Variants in IQGAP2 observed in about 807,000 individuals in gnomAD.
IQGAP2 encodes the protein ras GTPase-activating-like protein IQGAP2.
Under a neutral mutation model 201.3 loss-of-function variants are expected in IQGAP2, and 173 were observed. The observed-to-expected ratio is 0.86, with a 90% CI of 0.76 to 0.98. IQGAP2 has a LOEUF of 0.98. Ranked by LOEUF, IQGAP2 falls within the 50% of genes least tolerant of loss-of-function variation. The pLI, the probability that IQGAP2 is intolerant of heterozygous loss-of-function variation, is 0.00. For missense variants in IQGAP2, 1,687 were observed against 1,864.8 expected (o/e 0.90, Z 1.76); for synonymous variants, 675 against 673.9 (o/e 1.00, Z -0.03).
chr5:76,561,515 T>C (rs1744364187), intron 2 of IQGAP2, among the ~76,000 whole-genome samples: 1 of 152,128 alleles, frequency 6.6e-6, no homozygotes, highest in African/African-American at 2.4e-5. Context: ...GATTTGTAGA[T>C]CAGTAGCTGG....
At chr5:76,479,366 T>C (rs973471982) in intron 2 of IQGAP2, among the ~76,000 whole-genome samples, 3 of 152,214 alleles carry the variant, frequency 2.0e-5, no homozygotes, top group African/African-American at 7.2e-5. Context: ...CTAGAGAGGC[T>C]TTGTGAGGGA....
intron 1 of IQGAP2, among the ~76,000 whole-genome samples, chr5:76,442,502 C>T (rs1753102062): frequency 6.6e-6 from 1 of 152,142 alleles, no homozygotes; most frequent in Non-Finnish European, 1.5e-5. Context: ...TCCTTTATCA[C>T]ACGAAGTAAA....
In IQGAP2 at chr5:76,570,654, C is replaced by T; in HGVS notation, c.378C>T (p.Pro126=). The change falls in exon 4 of 36, where the codon CCC becomes CCT. Residue 126 remains proline (P), a synonymous_variant. Coordinates refer to ENST00000274364, the MANE Select transcript of IQGAP2 (RefSeq NM_006633.5). ...WLRAMESIGL[P]KIFYPETTDV... ...GAGCGATGGAGTCTATTGGTCTACC[C>T]AAGGTAAGCCTTCACGCACTGGAAT... 2 of 1,609,140 alleles carry T rather than the reference C, an allele frequency of 1.2e-6. No individual in the cohort carries two copies. The highest frequency in any genetic ancestry group is 1.7e-6 in the Non-Finnish European group (2 of 1,175,580).
intron 2 of IQGAP2, among the ~76,000 whole-genome samples, chr5:76,503,262 C>T (rs530793161): frequency 6.7e-6 from 1 of 149,808 alleles, no homozygotes; most frequent in Non-Finnish European, 1.5e-5. Context: ...CAACCTCCCC[C>T]TCCCGGGTTC....
chr5:76,690,343 G>A (rs1746154804), intron 30 of IQGAP2, among the ~76,000 whole-genome samples: 1 of 152,240 alleles, frequency 6.6e-6, no homozygotes, highest in South Asian at 2.1e-4. Flanking sequence ...GAGGAACACA[G>A]TCTTGGCATT....
At chr5:76,625,201 T>C (rs936380258) in intron 13 of IQGAP2, among the ~76,000 whole-genome samples, 6 of 152,244 alleles carry the variant, frequency 3.9e-5, no homozygotes, top group Admixed American at 3.9e-4. Flanking sequence ...AATTTCTCTC[T>C]TCAGTTTGGC....
At chr5:76,500,364 T>A (rs1757208756) in intron 2 of IQGAP2, among the ~76,000 whole-genome samples, 1 of 152,226 alleles carries the variant, frequency 6.6e-6, no homozygotes, top group Non-Finnish European at 1.5e-5. Context: ...ATAGCATTGC[T>A]ATAACTTAAA....
In IQGAP2 at chr5:76,593,077, G is replaced by T. The variant is rs1300932009; in HGVS notation, c.907+152G>T. 7.8e-6 allele frequency: 5 copies of T among 637,048 alleles called. No homozygotes were observed. The East Asian group carries it at 1.1e-4, about 14-fold the overall frequency. The allele number at this position is 637,048 out of a possible 1,614,324, so 39.5% of individuals were successfully genotyped here. ...AGTGTCAGTGTTGCTCTTAATTATG[G>T]TGCAGCATTTGGCAGTTTCCCACTG... is the stretch of plus-strand genomic sequence containing the variant. On this transcript the variant is annotated intron_variant, in intron 9 of 35. Coordinates refer to ENST00000274364, the MANE Select transcript of IQGAP2 (RefSeq NM_006633.5).
At chr5:76,478,890 G>A (rs187653850) in intron 2 of IQGAP2, among the ~76,000 whole-genome samples, 1 of 152,246 alleles carries the variant, frequency 6.6e-6, no homozygotes, top group East Asian at 1.9e-4. Context: ...TCTCTGGGAG[G>A]AAGAACATTA....
intron 2 of IQGAP2, among the ~76,000 whole-genome samples, chr5:76,462,036 G>C (rs1427894442): frequency 1.3e-5 from 2 of 152,224 alleles, no homozygotes; most frequent in African/African-American, 4.8e-5. Context: ...TGGTTGGGCA[G>C]AGTTGAGAAA....
Position 76,637,157 on chromosome 5 carries a change from T to C in IQGAP2, c.1904T>C (p.Leu635Pro). 6 of 1,606,482 alleles carry C rather than the reference T, an allele frequency of 3.7e-6. No individual in the cohort carries two copies. The highest frequency in any genetic ancestry group is 5.1e-6 in the Non-Finnish European group (6 of 1,177,112). ...PESCLYKESW[L>P]TGKEIEDIIE... ...TCATGCTTGTATAAAGAATCATGGCTCACAGGAAAAGAAATCGAGGTAGGA... is the reference window on the plus strand; with the variant it reads ...TCATGCTTGTATAAAGAATCATGGCCCACAGGAAAAGAAATCGAGGTAGGA... The change falls in exon 16 of 36, where the codon CTC (leucine) becomes CCC (proline). Residue 635 changes from leucine to proline, a missense_variant. Transcript: ENST00000274364.
intron 33 of IQGAP2, among the ~76,000 whole-genome samples, chr5:76,699,801 TTCTCTCTCTCTCTC>T (rs1197754030): frequency 2.2e-3 from 3 of 1,346 alleles, no homozygotes; most frequent in Non-Finnish European, 3.3e-3. Context: ...TTCTTTCTGT[TTCTCTCTCTCTCTC>T]TCTCTCTCTC....
intron 2 of IQGAP2, among the ~76,000 whole-genome samples, chr5:76,543,362 G>GAAGC (rs781144290): frequency 2.0e-5 from 3 of 152,212 alleles, no homozygotes; most frequent in Non-Finnish European, 4.4e-5. Context: ...CATTAAAGGT[G>GAAGC]AAGCATTTCA....
chr5:76,452,222 T>A (rs1353475235), intron 1 of IQGAP2, among the ~76,000 whole-genome samples: 1 of 150,686 alleles, frequency 6.6e-6, no homozygotes, highest in Non-Finnish European at 1.5e-5. Flanking sequence ...GCCCTTGTTT[T>A]TTTCTTTTCT....
At chr5:76,565,761 CT>C (rs750419452) in intron 3 of IQGAP2, among the ~76,000 whole-genome samples, 9 of 152,240 alleles carry the variant, frequency 5.9e-5, no homozygotes, top group Admixed American at 1.3e-4. Context: ...CTTTTCTTAC[CT>C]TCTGTGCTTT....
intron 2 of IQGAP2, among the ~76,000 whole-genome samples, chr5:76,493,126 C>T (rs1180590891): frequency 6.6e-6 from 1 of 152,142 alleles, no homozygotes; most frequent in Non-Finnish European, 1.5e-5. Context: ...TTCCCTTGTC[C>T]CCACTTGCTC....
At chr5:76,695,926 C>T (rs761098774) in intron 32 of IQGAP2, among the ~76,000 whole-genome samples, 4 of 142,878 alleles carry the variant, frequency 2.8e-5, no homozygotes, top group South Asian at 2.2e-4. Context: ...CTGCAACTTC[C>T]GCCTCCCAGG....
intron 3 of IQGAP2, among the ~76,000 whole-genome samples, chr5:76,567,405 C>T (rs544062898): frequency 7.2e-5 from 11 of 152,302 alleles, no homozygotes; most frequent in South Asian, 2.1e-4. Flanking sequence ...AAACTCGAAA[C>T]GCTTCTAATG....
chr5:76,409,545 C>G (rs537246087), intron 1 of IQGAP2, among the ~76,000 whole-genome samples: 7 of 152,080 alleles, frequency 4.6e-5, no homozygotes, highest in African/African-American at 1.7e-4. Flanking sequence ...CCATGCCCAG[C>G]CTTACATGGG....
Sources: gnomAD v4.1 joint callset for allele counts (sites outside exome capture counted in the v4.1 genomes callset) on GRCh38, gnomAD v4.1.1 for gene constraint, MANE v1.5 for transcripts, NCBI Gene and HGNC (gene_info 2026-07-23, HGNC 2026-07-21) for gene names.